Variants in RGMA observed in about 807,000 individuals in gnomAD.
The protein encoded by RGMA is repulsive guidance molecule BMP co-receptor a.
A neutral mutation model predicts 23.2 loss-of-function variants in RGMA; 10 were observed. That is an observed-to-expected ratio of 0.43 (90% CI 0.27 to 0.73). RGMA has a LOEUF of 0.73. Among genes scored for constraint, RGMA ranks in the 30% least tolerant of loss-of-function variants. The probability of loss-of-function intolerance (pLI) is 0.20; values close to 1 mark genes in which losing one functional copy is unlikely to be tolerated. For synonymous variants in RGMA, 308 were observed against 279.3 expected (o/e 1.10, Z -1.03); for missense variants, 547 against 630.5 (o/e 0.87, Z 1.42).
chr15:93,074,765 C>T (rs75511886), intron 1 of RGMA, among the ~76,000 whole-genome samples: 1,845 of 152,306 alleles, frequency 0.012, 55 homozygotes, highest in African/African-American at 0.043. Context: ...GCAGCATCAC[C>T]GAACGGCAGC....
intron 3 of RGMA, among the ~76,000 whole-genome samples, chr15:93,050,790 G>A (rs747878426): frequency 7.2e-5 from 11 of 152,194 alleles, no homozygotes; most frequent in Non-Finnish European, 1.5e-4. Flanking sequence ...CGCCCTGCCA[G>A]CCCTTGGGAA....
chr15:93,088,574 G>A (rs1287980282), intron 1 of RGMA: 1 of 1,051,994 alleles, frequency 9.5e-7, no homozygotes, highest in African/African-American at 1.7e-5. Flanking sequence ...GGGACAGTCG[G>A]GTGGCCGGCT....
rs973495309 is a variant in RGMA, at chr15:93,045,562, C to T, written c.789G>A (p.Glu263=). 6.2e-7 allele frequency: 1 copy of T among 1,613,376 alleles called. No homozygotes were observed. The highest frequency in any genetic ancestry group is 8.5e-7 in the Non-Finnish European group (1 of 1,179,902). The change falls in exon 4 of 4, where the codon GAG becomes GAA. Residue 263 remains glutamate (E), a synonymous_variant. Coordinates refer to ENST00000329082, the MANE Select transcript of RGMA (RefSeq NM_020211.3). The surrounding 1 kb of genome is among the most constrained non-coding windows in gnomAD (Gnocchi z 6.9). ...TCTCCACGTGCTGGCCTGACACCTT[C>T]TCAGTGATCTTCAGGCTGTTGGCCC... ...KHGANSLKIT[E]KVSGQHVEIQ... is the part of the protein sequence containing the mutation.
chr15:93,050,715 C>CT (rs1179407499), intron 3 of RGMA, among the ~76,000 whole-genome samples: 1 of 152,180 alleles, frequency 6.6e-6, no homozygotes, highest in African/African-American at 2.4e-5. Flanking sequence ...CTTCCACCCC[C>CT]TGGGGTCTGG....
At position 93,053,176 on chromosome 15, in the gene RGMA, A is replaced by G. The variant is rs561496828; in HGVS notation, c.131-669T>C. Among the ~76,000 whole-genome samples the G allele has an allele frequency of 5.9e-5, 9 of 152,306 alleles. No individual in the cohort carries two copies. In the East Asian group the frequency reaches 1.2e-3, roughly 20 times the overall value. ...ATCCTCTGTCCTGCTCAGAGAAGCAAGCTGAGAAGCAACTGAGAGTAGTAA... is the reference window on the plus strand; with the variant it reads ...ATCCTCTGTCCTGCTCAGAGAAGCAGGCTGAGAAGCAACTGAGAGTAGTAA... On this transcript the variant is annotated intron_variant, in intron 2 of 3. Coordinates refer to ENST00000329082, the MANE Select transcript of RGMA (RefSeq NM_020211.3).
intron 2 of RGMA, among the ~76,000 whole-genome samples, chr15:93,056,496 C>A (rs567601318): frequency 6.6e-6 from 1 of 152,300 alleles, no homozygotes; most frequent in African/African-American, 2.4e-5. Context: ...ACAAGACCAC[C>A]CCTCACCCAG....
At chr15:93,061,883 T>G (rs1894976845) in intron 2 of RGMA, among the ~76,000 whole-genome samples, 1 of 152,192 alleles carries the variant, frequency 6.6e-6, no homozygotes, top group African/African-American at 2.4e-5. Flanking sequence ...AGACTTATTT[T>G]GCAGTGCACG....
chr15:93,044,379 G>C lies in RGMA; in HGVS notation c.*619C>G, dbSNP rs2054777694. On this transcript the variant is annotated 3_prime_UTR_variant, in exon 4 of 4. Coordinates refer to ENST00000329082, the MANE Select transcript of RGMA (RefSeq NM_020211.3). Reference sequence around the variant, plus strand: ...GTACCCACAGCAGCCAGGTGAACATGGGCAGGGAGGCCACAGGCCAGAAGG... The same window carrying C: ...GTACCCACAGCAGCCAGGTGAACATCGGCAGGGAGGCCACAGGCCAGAAGG... 6.5e-6 allele frequency: 1 copy of C among 153,242 alleles called. No homozygotes were observed. Among genetic ancestry groups the C allele is most frequent in the Non-Finnish European group, 1.5e-5 (1 of 68,852 alleles). 9.5% of individuals were successfully genotyped at this position (153,242 alleles called of 1,614,324 possible).
chr15:93,069,659 G>A (rs1895262892), intron 2 of RGMA, among the ~76,000 whole-genome samples: 2 of 152,262 alleles, frequency 1.3e-5, no homozygotes, highest in African/African-American at 4.8e-5. Flanking sequence ...TGGAGGGCCT[G>A]CTCTAGAACA....
intron 3 of RGMA, among the ~76,000 whole-genome samples, chr15:93,047,298 A>G (rs979442727): frequency 1.3e-5 from 2 of 152,132 alleles, no homozygotes; most frequent in African/African-American, 2.4e-5. Flanking sequence ...TGGGAGAGAA[A>G]AAACCACCCC....
chr15:93,055,805 G>C (rs1381716667), intron 2 of RGMA, among the ~76,000 whole-genome samples: 1 of 152,182 alleles, frequency 6.6e-6, no homozygotes, highest in Non-Finnish European at 1.5e-5. Flanking sequence ...GCCCAGGTGT[G>C]GCTCTACCCT....
At chr15:93,062,613 G>A (rs1477177543) in intron 2 of RGMA, 1 of 152,110 alleles carries the variant, frequency 6.6e-6, no homozygotes, top group African/African-American at 2.4e-5. Flanking sequence ...TCTGGTGCAG[G>A]GATTCTGCAA....
intron 1 of RGMA, among the ~76,000 whole-genome samples, chr15:93,075,915 A>G (rs960706712): frequency 6.6e-5 from 10 of 152,224 alleles, no homozygotes; most frequent in Middle Eastern, 3.2e-3. Context: ...GACTATCATG[A>G]GAAATCTAGC....
intron 1 of RGMA, among the ~76,000 whole-genome samples, chr15:93,082,429 G>A (rs971397200): frequency 1.3e-5 from 2 of 152,178 alleles, no homozygotes; most frequent in Non-Finnish European, 2.9e-5. Context: ...TTTCACAAAC[G>A]AGACAGACTC....
chr15:93,083,061 G>A (rs1596108688), intron 1 of RGMA, among the ~76,000 whole-genome samples: 2 of 152,318 alleles, frequency 1.3e-5, no homozygotes, highest in East Asian at 3.9e-4. Flanking sequence ...GTTGACTCCC[G>A]GCCGAGGCTC....
intron 3 of RGMA, among the ~76,000 whole-genome samples, chr15:93,050,679 G>C (rs2054902687): frequency 1.3e-5 from 2 of 152,240 alleles, no homozygotes; most frequent in African/African-American, 4.8e-5. Context: ...CCGGTGCGTG[G>C]CTTGGCTCTG....
rs2054748370 is a variant in RGMA, at chr15:93,043,214, ACAGG to A, written c.*1780_*1783del. The A allele has an allele frequency of 8.4e-6, 1 of 118,450 alleles. No homozygotes were observed. Among genetic ancestry groups the A allele is most frequent in the African/African-American group, 3.3e-5 (1 of 30,386 alleles). The allele number at this position is 118,450 out of a possible 1,614,324, so 7.3% of individuals were successfully genotyped here. A position where few individuals can be genotyped will look rare whatever the true frequency, so the allele number is the denominator to read the frequency against. On this transcript the variant is annotated 3_prime_UTR_variant, in exon 4 of 4. Coordinates refer to ENST00000329082, the MANE Select transcript of RGMA (RefSeq NM_020211.3). Reference sequence around the variant, plus strand: ...CACACACATAGGCATGGGCGCACACACAGGCATGCGCACACATGCGTACATGCAC... The same window carrying A: ...CACACACATAGGCATGGGCGCACACACATGCGCACACATGCGTACATGCAC...
chr15:93,070,954 A>AACCACCACC (rs1481519222), intron 2 of RGMA, among the ~76,000 whole-genome samples: 1 of 152,236 alleles, frequency 6.6e-6, no homozygotes, highest in Non-Finnish European at 1.5e-5. Context: ...GAAACAACAA[A>AACCACCACC]ACCACCACCA....
At chr15:93,064,174 G>A (rs546195506) in intron 2 of RGMA, among the ~76,000 whole-genome samples, 4 of 152,144 alleles carry the variant, frequency 2.6e-5, no homozygotes, top group African/African-American at 7.2e-5. Context: ...TCAGTGGGGG[G>A]GCTGATAGCT....
Sources: gnomAD v4.1 joint callset for allele counts (sites outside exome capture counted in the v4.1 genomes callset) on GRCh38, gnomAD v4.1.1 for gene constraint, Gnocchi (gnomAD v3.1) non-coding constraint, MANE v1.5 for transcripts, NCBI Gene and HGNC (gene_info 2026-07-23, HGNC 2026-07-21) for gene names.